The following SAMD12 variants were observed in gnomAD, a reference collection of about 807,000 sequenced individuals.
SAMD12 encodes sterile alpha motif domain containing 12, also known as sterile alpha motif domain-containing protein 12.
SAMD12 carries 9 observed loss-of-function variants against 15.0 expected under a neutral mutation model. The observed-to-expected ratio is 0.60, with a 90% CI of 0.36 to 1.05. The LOEUF (loss-of-function observed/expected upper bound fraction) is 1.05, where lower values mean the gene tolerates loss of function less well. Ranked by LOEUF, SAMD12 falls within the 50% of genes least tolerant of loss-of-function variation. SAMD12 has a pLI of 0.01. For missense variants in SAMD12, 230 were observed against 234.2 expected (o/e 0.98, Z 0.12); for synonymous variants, 86 against 90.1 (o/e 0.96, Z 0.25).
At chr8:118,411,204 G>A (rs998673336) in intron 3 of SAMD12, among the ~76,000 whole-genome samples, 21 of 152,148 alleles carry the variant, frequency 1.4e-4, no homozygotes, top group African/African-American at 4.8e-4. Flanking sequence ...AGACAGATGA[G>A]TTAAAAAAGG....
intron 4 of SAMD12, among the ~76,000 whole-genome samples, chr8:118,355,057 G>T (rs987028511): frequency 1.3e-5 from 2 of 152,206 alleles, no homozygotes; most frequent in African/African-American, 2.4e-5. Flanking sequence ...CAGAGGAAAA[G>T]AAGTCATTAT....
chr8:118,591,822 C>A (rs1264058043), intron 1 of SAMD12, among the ~76,000 whole-genome samples: 1 of 151,868 alleles, frequency 6.6e-6, no homozygotes, highest in Non-Finnish European at 1.5e-5. Flanking sequence ...CTCTGTGAAA[C>A]CAAGCTAATG....
At chr8:118,270,837 T>C (rs1370928296) in intron 4 of SAMD12, among the ~76,000 whole-genome samples, 1 of 152,066 alleles carries the variant, frequency 6.6e-6, no homozygotes, top group East Asian at 1.9e-4. Flanking sequence ...TATATCACAG[T>C]GAGAAAGAAT....
At chr8:118,190,867 T>C (rs1327670983) in exon 5 of SAMD12, 1 of 152,162 alleles carries the variant, frequency 6.6e-6, no homozygotes, top group Non-Finnish European at 1.5e-5. Context: ...TTCTTCCTTT[T>C]TATCAGAGCA....
At chr8:118,572,009 T>C (rs781493512) in intron 2 of SAMD12, among the ~76,000 whole-genome samples, 2 of 152,136 alleles carry the variant, frequency 1.3e-5, no homozygotes, top group South Asian at 2.1e-4. Context: ...TGCCAGTCCA[T>C]GAAAGCAGCC....
At chr8:118,158,712 G>A in the SAMD12 span, among the ~76,000 whole-genome samples, 14 of 152,166 alleles carry the variant, frequency 9.2e-5, no homozygotes, top group African/African-American at 3.1e-4. Context: ...GCCCATGGCT[G>A]CCCATGGACC....
At chr8:118,142,097 T>C in the SAMD12 span, among the ~76,000 whole-genome samples, 2 of 152,130 alleles carry the variant, frequency 1.3e-5, no homozygotes, top group African/African-American at 4.8e-5. Flanking sequence ...TAGAGCCACG[T>C]AGAGACTTTG....
the SAMD12 span, among the ~76,000 whole-genome samples, chr8:118,171,723 A>G: frequency 1.6e-5 from 2 of 124,712 alleles, no homozygotes; most frequent in Non-Finnish European, 3.4e-5. Context: ...GCTAATGGGT[A>G]CAGGATTTTT....
At chr8:118,166,165 G>T in the SAMD12 span, among the ~76,000 whole-genome samples, 1 of 152,102 alleles carries the variant, frequency 6.6e-6, no homozygotes, top group Non-Finnish European at 1.5e-5. Flanking sequence ...TATTGCTGTA[G>T]CTTCACTTGC....
chr8:118,439,946 G>T lies in SAMD12; in HGVS notation c.208C>A (p.Leu70Ile). ...GTCCATAGAGCCACCGGTTTAGATA[G>T]CTTCACCGTAGCTGACTATAAATAA... The part of the protein sequence containing the change: ...AETAKSATVK[L>I]SKPVALWTQQ... The change falls in exon 3 of 4, where the codon CTA becomes ATA. Residue 70 changes from leucine to isoleucine, a missense_variant. Leu to Ile is a conservative substitution (Grantham distance 5). Coordinates refer to ENST00000314727, the MANE Select transcript of SAMD12 (RefSeq NM_207506.3). 1.2e-6 allele frequency: 2 copies of T among 1,613,600 alleles called. No individual in the cohort carries two copies. The highest frequency in any genetic ancestry group is 1.7e-6 in the Non-Finnish European group (2 of 1,179,626).
intron 2 of SAMD12, among the ~76,000 whole-genome samples, chr8:118,441,428 CA>C (rs1236219304): frequency 2.1e-5 from 3 of 145,522 alleles, no homozygotes; most frequent in Non-Finnish European, 4.5e-5. Context: ...GGAAGCGATT[CA>C]AGGTTGGAAA....
chr8:118,328,170 A>T (rs1816649049), intron 4 of SAMD12, among the ~76,000 whole-genome samples: 1 of 152,168 alleles, frequency 6.6e-6, no homozygotes, highest in Non-Finnish European at 1.5e-5. Context: ...AACTTGCCTT[A>T]CTTTTAGGCT....
chr8:118,289,950 T>G (rs912963593), intron 4 of SAMD12, among the ~76,000 whole-genome samples: 7 of 152,174 alleles, frequency 4.6e-5, no homozygotes, highest in African/African-American at 1.7e-4. Flanking sequence ...ATTTACAAAA[T>G]TATTCATTCA....
chr8:118,228,842 G>A (rs1481024420), intron 4 of SAMD12, among the ~76,000 whole-genome samples: 1 of 152,200 alleles, frequency 6.6e-6, no homozygotes, highest in Non-Finnish European at 1.5e-5. Context: ...GCATATGCAT[G>A]TTTATAGCAG....
chr8:118,203,708 T>G (rs2129784305), intron 4 of SAMD12, among the ~76,000 whole-genome samples: 1 of 151,800 alleles, frequency 6.6e-6, no homozygotes, highest in South Asian at 2.1e-4. Flanking sequence ...ATTAGGTATA[T>G]CTCCTAATGC....
chr8:118,290,878 A>G (rs2130248096), intron 4 of SAMD12, among the ~76,000 whole-genome samples: 1 of 152,320 alleles, frequency 6.6e-6, no homozygotes, highest in Non-Finnish European at 1.5e-5. Context: ...TGTCTTTTGA[A>G]TTTCAGTGTA....
At chr8:118,593,550 A>G (rs1422066650) in intron 1 of SAMD12, among the ~76,000 whole-genome samples, 1 of 152,192 alleles carries the variant, frequency 6.6e-6, no homozygotes, top group Non-Finnish European at 1.5e-5. Context: ...CACTAGCCAC[A>G]TTTCTGTAGC....
chr8:118,498,302 T>C (rs571726086), intron 2 of SAMD12, among the ~76,000 whole-genome samples: 2 of 152,254 alleles, frequency 1.3e-5, no homozygotes, highest in Non-Finnish European at 2.9e-5. Flanking sequence ...AGGTCCATTA[T>C]TATGGTATAA....
intron 4 of SAMD12, among the ~76,000 whole-genome samples, chr8:118,247,603 A>T (rs1473437167): frequency 6.6e-6 from 1 of 151,636 alleles, no homozygotes; most frequent in Non-Finnish European, 1.5e-5. Flanking sequence ...ATTTATTTTT[A>T]TTTTTTTGAG....
Sources: allele counts gnomAD v4.1 joint callset (sites outside exome capture counted in the v4.1 genomes callset), GRCh38; gene constraint gnomAD v4.1.1; transcripts MANE v1.5; gene names NCBI Gene and HGNC (gene_info 2026-07-23, HGNC 2026-07-21).